TCP11L1: variants seen among roughly 807,000 people sequenced by gnomAD.
TCP11L1 encodes the protein t-complex 11 like 1.
Under a neutral mutation model 48.9 loss-of-function variants are expected in TCP11L1, and 28 were observed. That is an observed-to-expected ratio of 0.57 (90% CI 0.42 to 0.78). TCP11L1 has a LOEUF of 0.78. TCP11L1 is among the 30% of genes least tolerant of loss of function. The pLI, the probability that TCP11L1 is intolerant of heterozygous loss-of-function variation, is 0.00. For synonymous variants in TCP11L1, 204 were observed against 231.9 expected (o/e 0.88, Z 1.09); for missense variants, 505 against 613.4 (o/e 0.82, Z 1.87).
chr11:33,059,791 A>G (rs938326071), intron 6 of TCP11L1, among the ~76,000 whole-genome samples: 1 of 152,190 alleles, frequency 6.6e-6, no homozygotes, highest in African/African-American at 2.4e-5. Flanking sequence ...TGCCCCATGC[A>G]GTTGATTCAT....
chr11:33,072,543 C>T lies in TCP11L1; in HGVS notation c.1397C>T (p.Pro466Leu), dbSNP rs1248321648. 2.5e-6 allele frequency: 4 copies of T among 1,614,150 alleles called. No homozygotes were observed. The highest frequency in any genetic ancestry group is 3.4e-6 in the Non-Finnish European group (4 of 1,180,034). ...SGHQKPLPTVPGGLSPVQREL... is the reference protein window; with the variant it reads ...SGHQKPLPTVLGGLSPVQREL... ...CATCAGAAGCCATTGCCCACAGTCC[C>T]TGGGGGACTCAGTCCAGTTCAGAGA... The change falls in exon 10 of 10, where the codon CCT becomes CTT. Residue 466 changes from proline (P) to leucine (L), a missense_variant. Around this residue, in one of 3 missense-constraint regions of TCP11L1, gnomAD observed 335 missense variants for 413.3 expected, o/e 0.81. Transcript: ENST00000334274.
chr11:33,052,394 GT>G (rs1222272883), intron 2 of TCP11L1, among the ~76,000 whole-genome samples: 1 of 151,582 alleles, frequency 6.6e-6, no homozygotes, highest in Non-Finnish European at 1.5e-5. Flanking sequence ...AGAATTCTGA[GT>G]TTTCCCAACT....
intron 6 of TCP11L1, 41 bp downstream of exon 6, chr11:33,059,136 G>T (rs1249914333): frequency 6.2e-7 from 1 of 1,601,726 alleles, no homozygotes; most frequent in Admixed American, 1.7e-5. Context: ...GTTGTCTGTG[G>T]TTTTTCATTT....
In TCP11L1 at chr11:33,043,829, A is replaced by T; in HGVS notation, c.56A>T (p.Asn19Ile). ...AATGAAGCAGGAAAATCAAAATCCA[A>T]TGATTCTGAGGAAGGCCTCGAAGAT... ...NVNEAGKSKS[N>I]DSEEGLEDAV... Residue 19 changes from asparagine to isoleucine, a missense_variant, in exon 2 of 10, where the codon AAT becomes ATT. Transcript: ENST00000334274. The T allele has an allele frequency of 6.2e-7, 1 of 1,613,930 alleles. No individual in the cohort carries two copies. Among genetic ancestry groups the T allele is most frequent in the Non-Finnish European group, 8.5e-7 (1 of 1,179,914 alleles).
rs201514835 is a variant in TCP11L1 at position 33,044,301 on chromosome 11, T to TA, written c.163+374dup. 5.2e-3 allele frequency among the ~76,000 whole-genome samples: 782 copies of TA among 149,630 alleles called. 12 individuals are homozygous for TA. The highest frequency in any genetic ancestry group is 0.018 in the African/African-American group (761 of 41,164). On this transcript the variant is annotated intron_variant, in intron 2 of 9. Coordinates refer to ENST00000334274, the MANE Select transcript of TCP11L1 (RefSeq NM_018393.4). ...CAGCCAGGACTGTGCTTGTGCAGGT[T>TA]AAAAAAAAATGTGAGTAAGTTCACC...
chr11:33,067,786 A>G (rs1455593246), intron 8 of TCP11L1, among the ~76,000 whole-genome samples: 1 of 152,142 alleles, frequency 6.6e-6, no homozygotes, highest in African/African-American at 2.4e-5. Flanking sequence ...TTCTCACAGC[A>G]TGCCTGCCAG....
At chr11:33,045,951 C>T (rs769571486) in intron 2 of TCP11L1, among the ~76,000 whole-genome samples, 2 of 152,206 alleles carry the variant, frequency 1.3e-5, no homozygotes, top group East Asian at 3.8e-4. Flanking sequence ...TGTTCTGCTA[C>T]TTGAGATAAT....
chr11:33,046,543 G>A (rs866444053), intron 2 of TCP11L1, among the ~76,000 whole-genome samples: 51 of 152,176 alleles, frequency 3.4e-4, no homozygotes, highest in Non-Finnish European at 1.8e-4. Context: ...TAGGAATAAG[G>A]TCGTGGAAGC....
At position 33,065,946 on chromosome 11, in the gene TCP11L1, C is replaced by T. The variant is rs752728007; in HGVS notation, c.1089C>T (p.Ser363=). The T allele has an allele frequency of 6.2e-7, 1 of 1,614,214 alleles. No individual in the cohort carries two copies. The highest frequency in any genetic ancestry group is 8.5e-7 in the Non-Finnish European group (1 of 1,180,024). ...TFSMAAPGIS[S]QADFAEKLKM... ...GCATGGCAGCGCCAGGAATTTCCAG[C>T]CAGGCCGACTTTGCTGAGAAACTCA... Residue 363 remains serine, a synonymous_variant, in exon 8 of 10, where the codon AGC becomes AGT. Coordinates refer to ENST00000334274, the MANE Select transcript of TCP11L1 (RefSeq NM_018393.4).
chr11:33,064,102 C>T (rs1240778029), intron 7 of TCP11L1, among the ~76,000 whole-genome samples: 1 of 151,986 alleles, frequency 6.6e-6, no homozygotes, highest in African/African-American at 2.4e-5. Context: ...GTTCTCCAGC[C>T]TCCTCACTTG....
At chr11:33,071,096 C>T (rs555935466) in intron 9 of TCP11L1, among the ~76,000 whole-genome samples, 29 of 151,718 alleles carry the variant, frequency 1.9e-4, no homozygotes, top group African/African-American at 7.0e-4. Flanking sequence ...AGACGGATCA[C>T]TTGAGGTCAG....
rs766992789 is a variant in TCP11L1, at chr11:33,059,128, T to C, written c.775+33T>C. On this transcript the variant is annotated intron_variant, in intron 6 of 9. Coordinates refer to ENST00000334274, the MANE Select transcript of TCP11L1 (RefSeq NM_018393.4). Reference sequence around the variant, plus strand: ...GAATATTTTGTGGTACTTTTTTTGTTGTCTGTGGTTTTTCATTTTAGCTGC... The same window carrying C: ...GAATATTTTGTGGTACTTTTTTTGTCGTCTGTGGTTTTTCATTTTAGCTGC... The C allele has an allele frequency of 5.6e-6, 9 of 1,604,166 alleles. 1 individual carries two copies. The South Asian group carries it at 1.0e-4, about 18-fold the overall frequency.
chr11:33,061,446 C>A, intron 6 of TCP11L1, 84 bp from the exon 7 acceptor site: 2 of 1,313,718 alleles, frequency 1.5e-6, no homozygotes, highest in Non-Finnish European at 2.1e-6. Context: ...ATCACTCCAC[C>A]AGGACATCGA....
At chr11:33,045,329 G>A (rs1853957137) in intron 2 of TCP11L1, among the ~76,000 whole-genome samples, 2 of 150,492 alleles carry the variant, frequency 1.3e-5, no homozygotes, top group South Asian at 4.2e-4. Flanking sequence ...CTCCCGTCTG[G>A]GTGACAAAGT....
At chr11:33,071,684 T>C (rs1279608724) in intron 9 of TCP11L1, among the ~76,000 whole-genome samples, 1 of 152,206 alleles carries the variant, frequency 6.6e-6, no homozygotes, top group African/African-American at 2.4e-5. Context: ...GGAGGCTTAG[T>C]AGGAAAAAAG....
chr11:33,047,871 G>T (rs1854044946), intron 2 of TCP11L1, among the ~76,000 whole-genome samples: 3 of 152,170 alleles, frequency 2.0e-5, no homozygotes, highest in Admixed American at 2.0e-4. Context: ...GTAGCTGTTT[G>T]GGTGACAGTT....
At position 33,072,680 on chromosome 11, in the gene TCP11L1, G is replaced by C; in HGVS notation, c.*4G>C. The C allele has an allele frequency of 6.2e-7, 1 of 1,614,050 alleles. No homozygotes were observed. Among genetic ancestry groups the C allele is most frequent in the Admixed American group, 1.7e-5 (1 of 60,012 alleles). ...TAAGATCCTCGTCCGATCCTAACGT[G>C]TATGCACCCTACAGCAGCAGTATTA... is the stretch of plus-strand genomic sequence containing the variant. On this transcript the variant is annotated 3_prime_UTR_variant, in exon 10 of 10. Transcript: ENST00000334274.
intron 2 of TCP11L1, among the ~76,000 whole-genome samples, chr11:33,044,481 C>T (rs1853930244): frequency 6.6e-6 from 1 of 152,158 alleles, no homozygotes; most frequent in African/African-American, 2.4e-5. Flanking sequence ...CAGTGGTTGC[C>T]TCAACTCACG....
chr11:33,064,393 A>G (rs1854552383), intron 7 of TCP11L1, among the ~76,000 whole-genome samples: 1 of 152,114 alleles, frequency 6.6e-6, no homozygotes, highest in African/African-American at 2.4e-5. Flanking sequence ...CACATTGTTC[A>G]TGTCTTGACT....
Sources: allele counts gnomAD v4.1 joint callset (sites outside exome capture counted in the v4.1 genomes callset), GRCh38; gene constraint gnomAD v4.1.1; regional missense constraint gnomAD v4.1.1; transcripts MANE v1.5; gene names NCBI Gene and HGNC (gene_info 2026-07-23, HGNC 2026-07-21).